Variants in MYO3B observed in about 807,000 individuals in gnomAD.
The protein encoded by MYO3B is myosin IIIB.
MYO3B carries 156 observed loss-of-function variants against 174.6 expected under a neutral mutation model. The observed-to-expected ratio is 0.89, with a 90% CI of 0.78 to 1.02. The LOEUF is 1.02. Among genes scored for constraint, MYO3B ranks in the 50% least tolerant of loss-of-function variants. The pLI is 0.00. For missense variants in MYO3B, 1,632 were observed against 1,639.4 expected, an observed-to-expected ratio of 1.00 and a Z score of 0.08; for synonymous variants, 563 against 569.1, an observed-to-expected ratio of 0.99 and a Z score of 0.15.
intron 7 of MYO3B, among the ~76,000 whole-genome samples, chr2:170,276,280 T>A (rs894992257): frequency 6.6e-6 from 1 of 152,178 alleles, no homozygotes; most frequent in East Asian, 1.9e-4. Flanking sequence ...ACTTAGAGAA[T>A]GTTTGAGTGA....
intron 1 of MYO3B, among the ~76,000 whole-genome samples, chr2:170,184,870 G>A (rs2092444286): frequency 6.6e-6 from 1 of 151,894 alleles, no homozygotes; most frequent in Admixed American, 6.6e-5. Context: ...AGTTTTTTTG[G>A]TTAAAAGCCA....
intron 25 of MYO3B, among the ~76,000 whole-genome samples, chr2:170,472,901 A>G (rs908559332): frequency 6.6e-6 from 1 of 151,214 alleles, no homozygotes; most frequent in Non-Finnish European, 1.5e-5. Flanking sequence ...AGGTCTCACC[A>G]TGTTGCCCAG....
At chr2:170,576,807 C>T (rs1692816616) in intron 32 of MYO3B, among the ~76,000 whole-genome samples, 1 of 152,188 alleles carries the variant, frequency 6.6e-6, no homozygotes, top group Admixed American at 6.5e-5. Context: ...TGTTGAGATT[C>T]TTTGCCTGGC....
chr2:170,222,548 G>T (rs377065428), intron 6 of MYO3B, among the ~76,000 whole-genome samples: 1 of 152,002 alleles, frequency 6.6e-6, no homozygotes, highest in Admixed American at 6.6e-5. Flanking sequence ...TGCAAGCTGC[G>T]TAACTCCAGT....
intron 7 of MYO3B, among the ~76,000 whole-genome samples, chr2:170,328,901 A>G (rs2093889521): frequency 6.6e-6 from 1 of 152,170 alleles, no homozygotes; most frequent in Admixed American, 6.5e-5. Flanking sequence ...GCGGTGGCTC[A>G]TGCCTGTAAT....
intron 22 of MYO3B, among the ~76,000 whole-genome samples, chr2:170,441,853 CT>C (rs1338520090): frequency 6.6e-6 from 1 of 152,144 alleles, no homozygotes; most frequent in Non-Finnish European, 1.5e-5. Context: ...CCAGGCTTTT[CT>C]TTTTTTAACT....
intron 25 of MYO3B, among the ~76,000 whole-genome samples, chr2:170,478,889 T>TACACACAC (rs143792197): frequency 0.015 from 2,003 of 137,264 alleles, 59 homozygotes; most frequent in African/African-American, 0.05. Context: ...AGGTTTTACA[T>TACACACAC]ACACACACAC....
At chr2:170,196,888 T>C (rs908244663) in intron 1 of MYO3B, among the ~76,000 whole-genome samples, 2 of 152,188 alleles carry the variant, frequency 1.3e-5, no homozygotes, top group African/African-American at 4.8e-5. Flanking sequence ...TGAATTCTGC[T>C]AAGGTGTAGA....
intron 32 of MYO3B, 62 bp from the exon 33 acceptor site, chr2:170,651,566 T>C (rs1699011623): frequency 2.2e-6 from 3 of 1,369,784 alleles, no homozygotes; most frequent in Non-Finnish European, 2.1e-6. Context: ...TGAAGAGCCA[T>C]TTTTCACTTA....
intron 24 of MYO3B, 83 bp from the exon 25 acceptor site, chr2:170,466,423 C>A: frequency 7.6e-7 from 1 of 1,308,872 alleles, no homozygotes. Context: ...TCGAACTGCT[C>A]CAGAGGCTTC....
intron 7 of MYO3B, among the ~76,000 whole-genome samples, chr2:170,302,347 C>A (rs371567535): frequency 2.4e-4 from 37 of 152,236 alleles, no homozygotes; most frequent in African/African-American, 8.2e-4. Flanking sequence ...ATAGAAAAAA[C>A]CCCAGCAATA....
intron 7 of MYO3B, among the ~76,000 whole-genome samples, chr2:170,312,477 T>A (rs1171302220): frequency 1.3e-5 from 2 of 152,258 alleles, no homozygotes; most frequent in African/African-American, 4.8e-5. Flanking sequence ...TGACTAAATG[T>A]GAGTAGATGT....
chr2:170,261,277 A>G (rs542750366), intron 7 of MYO3B, among the ~76,000 whole-genome samples: 1 of 152,314 alleles, frequency 6.6e-6, no homozygotes, highest in African/African-American at 2.4e-5. Flanking sequence ...CACCCGCCTC[A>G]GCCTCCCAAA....
intron 30 of MYO3B, among the ~76,000 whole-genome samples, chr2:170,528,239 A>G (rs758261995): frequency 3.3e-5 from 5 of 152,190 alleles, no homozygotes; most frequent in Non-Finnish European, 7.4e-5. Context: ...TTCTTTAGGA[A>G]GCTCACTTAT....
chr2:170,647,511 C>A lies in MYO3B; in HGVS notation c.3734-4117C>A, dbSNP rs115370994. Among the ~76,000 whole-genome samples the A allele has an allele frequency of 4.1e-3, 622 of 152,288 alleles. 9 individuals are homozygous for A. Among genetic ancestry groups the A allele is most frequent in the African/African-American group, 0.014 (583 of 41,568 alleles). On this transcript the variant is annotated intron_variant, in intron 32 of 34. Coordinates refer to ENST00000408978, the MANE Select transcript of MYO3B (RefSeq NM_138995.5). ...CATTGTATCAGTGACACTCAGATTT[C>A]TTCCAATGGCAAAGCACCTGGAAGT... is the stretch of plus-strand genomic sequence containing the variant.
In MYO3B at chr2:170,316,253, CTAAT is replaced by C. The variant is rs548443494; in HGVS notation, c.750-19125_750-19122del. 3.0e-3 allele frequency among the ~76,000 whole-genome samples: 458 copies of C among 152,280 alleles called. 1 individual carries two copies. The highest frequency in any genetic ancestry group is 6.8e-3 in the Middle Eastern group (2 of 294). ...TTAATGAAGTATCTGACTTTAAAAG[CTAAT>C]TAATTATTTTAGATATAACAATTTA... On this transcript the variant is annotated intron_variant, in intron 7 of 34. Coordinates refer to ENST00000408978, the MANE Select transcript of MYO3B (RefSeq NM_138995.5).
intron 30 of MYO3B, among the ~76,000 whole-genome samples, chr2:170,524,979 A>G: frequency 6.6e-6 from 1 of 152,152 alleles, no homozygotes. Context: ...CTGCCTCTCA[A>G]GGCTCCAGGT....
At chr2:170,507,066 G>A (rs1335496590) in intron 28 of MYO3B, among the ~76,000 whole-genome samples, 1 of 152,200 alleles carries the variant, frequency 6.6e-6, no homozygotes, top group Non-Finnish European at 1.5e-5. Context: ...GGAAGCACAG[G>A]TGTGAGAGAA....
At chr2:170,303,707 A>C (rs2093681116) in intron 7 of MYO3B, among the ~76,000 whole-genome samples, 1 of 152,138 alleles carries the variant, frequency 6.6e-6, no homozygotes, top group Non-Finnish European at 1.5e-5. Flanking sequence ...TCTCCATTAC[A>C]TGGAGCTACT....
Sources: gnomAD v4.1 joint callset for allele counts (sites outside exome capture counted in the v4.1 genomes callset) on GRCh38, gnomAD v4.1.1 for gene constraint, MANE v1.5 for transcripts, NCBI Gene and HGNC (gene_info 2026-07-23, HGNC 2026-07-21) for gene names.